Variants in PCMTD2 observed in about 807,000 individuals in gnomAD.
PCMTD2 encodes the protein protein-L-isoaspartate O-methyltransferase domain-containing protein 2.
In PCMTD2, 16 loss-of-function variants were observed where a neutral mutation model predicts 33.4. That is an observed-to-expected ratio of 0.48 (90% confidence interval 0.32 to 0.73). The LOEUF (loss-of-function observed/expected upper bound fraction) is 0.73. Ranked by LOEUF, PCMTD2 falls within the 30% of genes least tolerant of loss-of-function variation. PCMTD2 has a pLI of 0.03. For synonymous variants in PCMTD2, 161 were observed against 160.8 expected (o/e 1.00, Z -0.01); for missense variants, 374 against 449.9 (o/e 0.83, Z 1.53).
intron 5 of PCMTD2, among the ~76,000 whole-genome samples, chr20:64,270,806 AG>A (rs1985888980): frequency 1.0e-5 from 1 of 98,558 alleles, no homozygotes; most frequent in Non-Finnish European, 2.0e-5. Flanking sequence ...AGGGCACGTG[AG>A]GTGTTCGTTG....
chr20:64,272,899 A>T (rs1317535248), intron 5 of PCMTD2, among the ~76,000 whole-genome samples: 1 of 152,250 alleles, frequency 6.6e-6, no homozygotes, highest in Non-Finnish European at 1.5e-5. Context: ...AGCAAATAAT[A>T]GAATAATGAA....
chr20:64,269,226 A>G (rs975376697), intron 5 of PCMTD2, among the ~76,000 whole-genome samples: 7 of 152,200 alleles, frequency 4.6e-5, no homozygotes, highest in African/African-American at 1.7e-4. Flanking sequence ...GCGTGCTCTG[A>G]AAGTCTCATC....
chr20:64,268,257 C>T (rs918247379), intron 5 of PCMTD2, among the ~76,000 whole-genome samples: 2 of 152,198 alleles, frequency 1.3e-5, no homozygotes, highest in South Asian at 4.1e-4. Flanking sequence ...CATTGAAAGC[C>T]GAGGACGCAC....
In PCMTD2 at chr20:64,265,303, G is replaced by C; in HGVS notation, c.456G>C (p.Glu152Asp). Reference sequence around the variant, plus strand: ...CCTTTGTTACTGGGAATTGCCTGGAGATTTCTCCGGATTGTTCTCAGTATG... The same window carrying C: ...CCTTTGTTACTGGGAATTGCCTGGACATTTCTCCGGATTGTTCTCAGTATG... Reference protein sequence around the residue: ...EPSFVTGNCLEISPDCSQYDR... With the variant: ...EPSFVTGNCLDISPDCSQYDR... The change falls in exon 4 of 6, where the codon GAG (glutamate) becomes GAC (aspartate). Residue 152 changes from glutamate to aspartate, a missense_variant. By Grantham distance (45) the Glu-to-Asp change is conservative. Transcript: ENST00000308824. 6.2e-7 allele frequency: 1 copy of C among 1,608,600 alleles called. No individual in the cohort carries two copies.
At chr20:64,269,120 T>A (rs1473380558) in intron 5 of PCMTD2, among the ~76,000 whole-genome samples, 2 of 152,192 alleles carry the variant, frequency 1.3e-5, no homozygotes, top group East Asian at 3.8e-4. Flanking sequence ...TCATGTAGGC[T>A]GGGGAGAGCT....
intron 5 of PCMTD2, among the ~76,000 whole-genome samples, chr20:64,270,171 C>T (rs1985847119): frequency 4.1e-5 from 3 of 73,774 alleles, no homozygotes; most frequent in African/African-American, 5.6e-5. Context: ...GTTGTGGGGT[C>T]GTGTGGGTGT....
chr20:64,269,476 C>T (rs1284207746), intron 5 of PCMTD2, among the ~76,000 whole-genome samples: 3 of 152,322 alleles, frequency 2.0e-5, no homozygotes, highest in East Asian at 3.9e-4. Flanking sequence ...AGATGATCAA[C>T]AGTAATGTGA....
intron 2 of PCMTD2, chr20:64,262,428 G>C (rs550873321): frequency 6.6e-6 from 1 of 152,368 alleles, no homozygotes; most frequent in African/African-American, 2.4e-5. Flanking sequence ...GGAAAGGCCT[G>C]TTTTCTGCTG....
In PCMTD2 at chr20:64,269,171, T is replaced by C. The variant is rs553070381; in HGVS notation, c.706+1161T>C. ...TAAAAGATACAGTGCCTGTGTATCC[T>C]GGATAAGCCTGGTTGTCGTCGGGTG... On this transcript the variant is annotated intron_variant, in intron 5 of 5. Coordinates refer to ENST00000308824, the MANE Select transcript of PCMTD2 (RefSeq NM_018257.3). Among the ~76,000 whole-genome samples, 56 of 152,240 alleles carry C rather than the reference T, an allele frequency of 3.7e-4. 1 individual carries two copies. The highest frequency in any genetic ancestry group is 1.4e-3 in the Admixed American group (22 of 15,282).
At chr20:64,272,083 C>A in intron 5 of PCMTD2, 1 of 418,498 alleles carries the variant, frequency 2.4e-6, no homozygotes, top group Non-Finnish European at 4.8e-6. Context: ...GAGAAGGGAC[C>A]TCTTGTCTGT....
chr20:64,272,685 T>G (rs1210545634), intron 5 of PCMTD2, among the ~76,000 whole-genome samples: 2 of 152,186 alleles, frequency 1.3e-5, no homozygotes, highest in African/African-American at 4.8e-5. Flanking sequence ...CTGGGCGTGG[T>G]GGCGCATGCC....
chr20:64,268,003 C>G lies in PCMTD2; in HGVS notation c.699C>G (p.Val233=). The G allele has an allele frequency of 6.2e-7, 1 of 1,611,378 alleles. No homozygotes were observed. The highest frequency in any genetic ancestry group is 1.1e-5 in the South Asian group (1 of 90,968). ...CAGAGTCAGGAAAATCAAGACTTGT[C>G]CAGTTACGTAAGTATACCAATCTTT... The part of the protein sequence containing the change: ...CHSESGKSRL[V]QLPPVAVRSL... The change falls in exon 5 of 6, where the codon GTC becomes GTG. Residue 233 remains valine (V), a synonymous_variant. Coordinates refer to ENST00000308824, the MANE Select transcript of PCMTD2 (RefSeq NM_018257.3).
intron 1 of PCMTD2, chr20:64,256,734 C>G (rs745493568): frequency 6.6e-5 from 10 of 152,270 alleles, no homozygotes; most frequent in Non-Finnish European, 1.3e-4. Context: ...CCCTGCGCCA[C>G]CCCAGCTCGT....
Position 64,264,442 on chromosome 20 carries a change from G to A in PCMTD2, c.321G>A (p.Val107=). The A allele has an allele frequency of 6.3e-7, 1 of 1,585,744 alleles. No homozygotes were observed. Among genetic ancestry groups the A allele is most frequent in the Non-Finnish European group, 8.7e-7 (1 of 1,154,410 alleles). The change falls in exon 3 of 6, where the codon GTG becomes GTA. Residue 107 remains valine, a synonymous_variant. Transcript: ENST00000308824. ...MVGLILGPFG[V]NHGVELHSDV... ...TAAACCTTTTAGGTCCTTTTGGTGT[G>A]AACCATGGGGTGGAACTTCACTCAG...
intron 5 of PCMTD2, chr20:64,272,108 A>AG (rs1219004042): frequency 2.5e-6 from 1 of 401,056 alleles, no homozygotes; most frequent in African/African-American, 2.2e-5. Context: ...TCAGAAAAGC[A>AG]GGAAAGGTTG....
At position 64,260,073 on chromosome 20, in the gene PCMTD2, C is replaced by A. The variant is rs760649193; in HGVS notation, c.108C>A (p.Ile36=). Residue 36 remains isoleucine (I), a synonymous_variant, in exon 2 of 6, where the codon ATC becomes ATA. Coordinates refer to ENST00000308824, the MANE Select transcript of PCMTD2 (RefSeq NM_018257.3). ...TELVEQAFRA[I]DRADYYLEEF... ...TGGTAGAGCAGGCTTTCAGAGCTATCGATCGTGCAGACTATTATCTTGAAG... is the reference window on the plus strand; with the variant it reads ...TGGTAGAGCAGGCTTTCAGAGCTATAGATCGTGCAGACTATTATCTTGAAG... The A allele has an allele frequency of 6.2e-7, 1 of 1,611,488 alleles. No individual in the cohort carries two copies. The highest frequency in any genetic ancestry group is 8.5e-7 in the Non-Finnish European group (1 of 1,177,668).
chr20:64,263,793 G>A (rs1190195072), intron 2 of PCMTD2, among the ~76,000 whole-genome samples: 1 of 152,096 alleles, frequency 6.6e-6, no homozygotes, highest in East Asian at 1.9e-4. Context: ...GATGAATTTT[G>A]CCCGATTTTT....
intron 1 of PCMTD2, among the ~76,000 whole-genome samples, chr20:64,257,845 A>ATT (rs1568731210): frequency 3.9e-5 from 6 of 152,178 alleles, no homozygotes; most frequent in African/African-American, 1.4e-4. Flanking sequence ...CCCCCTCCTC[A>ATT]CAAACTGGCT....
At position 64,260,017 on chromosome 20, in the gene PCMTD2, T is replaced by G; in HGVS notation, c.52T>G (p.Leu18Val). The change falls in exon 2 of 6, where the codon TTG becomes GTG. Residue 18 changes from leucine to valine, a missense_variant. Leu to Val is a conservative substitution (Grantham distance 32). Transcript: ENST00000308824. Reference sequence around the variant, plus strand: ...AGACAATGATGAGCTGATAGATAATTTGAAAGAAGCACAGTATATCCGGAC... The same window carrying G: ...AGACAATGATGAGCTGATAGATAATGTGAAAGAAGCACAGTATATCCGGAC... ...GEDNDELIDN[L>V]KEAQYIRTEL... The G allele has an allele frequency of 6.2e-7, 1 of 1,613,342 alleles. No homozygotes were observed. The highest frequency in any genetic ancestry group is 1.3e-5 in the African/African-American group (1 of 75,014).
Sources: allele counts gnomAD v4.1 joint callset (sites outside exome capture counted in the v4.1 genomes callset), GRCh38; gene constraint gnomAD v4.1.1; transcripts MANE v1.5; gene names NCBI Gene and HGNC (gene_info 2026-07-23, HGNC 2026-07-21).